C6orf52: variants seen among roughly 807,000 people sequenced by gnomAD.
C6orf52 encodes chromosome 6 open reading frame 52.
A neutral mutation model predicts 16.6 loss-of-function variants in C6orf52; 16 were observed. The ratio of observed to expected loss-of-function variants is 0.96; its 90% CI spans 0.65 to 1.46. C6orf52 has a LOEUF of 1.46. Ranked by LOEUF, C6orf52 falls within the 40% of genes most tolerant of loss-of-function variation. The pLI, the probability that C6orf52 is intolerant of heterozygous loss-of-function variation, is 0.00. For synonymous variants in C6orf52, 53 were observed against 61.4 expected, an observed-to-expected ratio of 0.86 and a Z score of 0.64; for missense variants, 166 against 182.3, an observed-to-expected ratio of 0.91 and a Z score of 0.52.
rs1581526929 is a variant in C6orf52, at chr6:10,672,737, A to G, written c.317-1139T>C. The G allele has an allele frequency of 4.5e-5, 23 of 512,612 alleles. No homozygotes were observed. The South Asian group carries it at 6.5e-4, about 15-fold the overall frequency. 31.8% of individuals were successfully genotyped at this position (512,612 alleles called of 1,614,324 possible). On this transcript the variant is annotated intron_variant, in intron 4 of 4. Coordinates refer to ENST00000259983, the MANE Select transcript of C6orf52 (RefSeq NM_001145020.3). ...TAAAGAGGTCAAGTGTGGAAACAGC[A>G]AGAAGGCTGCTGTCTGCAAGCCAAG...
intron 4 of C6orf52, among the ~76,000 whole-genome samples, chr6:10,678,823 A>C (rs1268549724): frequency 6.6e-6 from 1 of 152,150 alleles, no homozygotes; most frequent in African/African-American, 2.4e-5. Flanking sequence ...GGCCAGGCAC[A>C]GTGGCTCACG....
chr6:10,691,171 C>T lies in C6orf52; in HGVS notation c.-12+3323G>A, dbSNP rs114602825. On this transcript the variant is annotated intron_variant, in intron 1 of 4. Coordinates refer to ENST00000259983, the MANE Select transcript of C6orf52 (RefSeq NM_001145020.3). ...ACTGCATTTTACCCTTAATGAGGTA[C>T]GCTTACACTAATCTTTTTGAAACAG... 5.8e-3 allele frequency among the ~76,000 whole-genome samples: 878 copies of T among 152,292 alleles called. 8 individuals carry two copies. Among genetic ancestry groups the T allele is most frequent in the African/African-American group, 0.02 (833 of 41,570 alleles).
intron 4 of C6orf52, among the ~76,000 whole-genome samples, chr6:10,681,353 TTTG>T (rs1488882631): frequency 6.6e-6 from 1 of 152,234 alleles, no homozygotes; most frequent in Non-Finnish European, 1.5e-5. Flanking sequence ...TTCTTAAAGG[TTTG>T]TTGACTATCT....
chr6:10,678,880 G>A (rs1768121601), intron 4 of C6orf52, among the ~76,000 whole-genome samples: 1 of 151,930 alleles, frequency 6.6e-6, no homozygotes, highest in African/African-American at 2.4e-5. Flanking sequence ...AGATCATGAG[G>A]TCAGGAGATC....
At chr6:10,693,719 C>T (rs537644170) in intron 1 of C6orf52, among the ~76,000 whole-genome samples, 1 of 152,174 alleles carries the variant, frequency 6.6e-6, no homozygotes, top group East Asian at 1.9e-4. Flanking sequence ...AATCTCTAAA[C>T]CTTATTAAAT....
At chr6:10,684,065 A>G (rs541852485) in intron 3 of C6orf52, among the ~76,000 whole-genome samples, 29 of 152,278 alleles carry the variant, frequency 1.9e-4, no homozygotes, top group Admixed American at 7.8e-4. Flanking sequence ...CCTCCCCTTC[A>G]CTCTGAAATA....
At chr6:10,687,187 A>T in intron 2 of C6orf52, 23 bp from the exon 3 acceptor site, 4 of 1,502,432 alleles carry the variant, frequency 2.7e-6, no homozygotes, top group Non-Finnish European at 3.6e-6. Context: ...CAATCATCAC[A>T]ACCAACGCAG....
Position 10,683,169 on chromosome 6 carries a change from G to A in C6orf52, c.316+18C>T. 1 of 1,520,532 alleles carries A rather than the reference G, an allele frequency of 6.6e-7. No individual in the cohort carries two copies. Among genetic ancestry groups the A allele is most frequent in the Non-Finnish European group, 8.9e-7 (1 of 1,126,928 alleles). The allele number at this position is 1,520,532 out of a possible 1,614,324, so 94.2% of individuals were successfully genotyped here. ...TGGGGTTTTGTTTCCAACCACTTCA[G>A]CACAAGGTTTATGTTACCTTCTAGT... On this transcript the variant is annotated intron_variant, in intron 4 of 4. Coordinates refer to ENST00000259983, the MANE Select transcript of C6orf52 (RefSeq NM_001145020.3).
In C6orf52 at chr6:10,686,912, G is replaced by A. The variant is rs539967547; in HGVS notation, c.270+54C>T. 29 of 1,277,050 alleles carry A rather than the reference G, an allele frequency of 2.3e-5. No individual in the cohort carries two copies. The South Asian group carries it at 4.0e-4, about 18-fold the overall frequency. 79.1% of individuals were successfully genotyped at this position (1,277,050 alleles called of 1,614,324 possible). ...AGATGTGTGAAGATAGGAAAGTGATGTTTACTATTATTGGGCACACGAATG... is the reference window on the plus strand; with the variant it reads ...AGATGTGTGAAGATAGGAAAGTGATATTTACTATTATTGGGCACACGAATG... On this transcript the variant is annotated intron_variant, in intron 3 of 4. Coordinates refer to ENST00000259983, the MANE Select transcript of C6orf52 (RefSeq NM_001145020.3).
chr6:10,679,713 T>C (rs1768210316), intron 4 of C6orf52, among the ~76,000 whole-genome samples: 1 of 152,216 alleles, frequency 6.6e-6, no homozygotes, highest in African/African-American at 2.4e-5. Context: ...AGTTTCTCCC[T>C]CTTGCCTAAC....
chr6:10,677,119 ATGTTTTCTTC>A (rs1767969608), intron 4 of C6orf52, among the ~76,000 whole-genome samples: 1 of 151,988 alleles, frequency 6.6e-6, no homozygotes, highest in Admixed American at 6.6e-5. Context: ...CTTTTCCCTT[ATGTTTTCTTC>A]TAGTAGTTTC....
intron 1 of C6orf52, among the ~76,000 whole-genome samples, chr6:10,688,698 TTA>T (rs1256291819): frequency 6.6e-6 from 1 of 152,246 alleles, no homozygotes; most frequent in East Asian, 1.9e-4. Flanking sequence ...TCTGGATTAC[TTA>T]TAATACCTAA....
rs757111273 is a variant in C6orf52, at chr6:10,687,555, C to G, written c.-5G>C. ...AGAACTCTCTGGTTGGGCCATTTAC[C>G]CAGAAACTTTACAAAAAGAGAGCAG... is the stretch of plus-strand genomic sequence containing the variant. On this transcript the variant is annotated 5_prime_UTR_variant, in exon 2 of 5. Transcript: ENST00000259983. 1.3e-6 allele frequency: 2 copies of G among 1,547,302 alleles called. No individual in the cohort carries two copies. Among genetic ancestry groups the G allele is most frequent in the East Asian group, 2.4e-5 (1 of 40,922 alleles).
intron 1 of C6orf52, among the ~76,000 whole-genome samples, chr6:10,689,735 A>G (rs1295964164): frequency 4.6e-5 from 7 of 152,186 alleles, no homozygotes; most frequent in Non-Finnish European, 8.8e-5. Context: ...ATCTTGGACT[A>G]TGAGGTGACA....
intron 4 of C6orf52, among the ~76,000 whole-genome samples, chr6:10,675,590 T>C (rs757656705): frequency 2.0e-5 from 3 of 152,318 alleles, no homozygotes; most frequent in Middle Eastern, 3.4e-3. Flanking sequence ...TGTTAATAAT[T>C]TGAGGAAACG....
At chr6:10,674,435 T>G (rs571673074) in intron 4 of C6orf52, among the ~76,000 whole-genome samples, 19 of 152,328 alleles carry the variant, frequency 1.2e-4, no homozygotes, top group African/African-American at 4.6e-4. Context: ...TGGATGGCTT[T>G]GTGTTTCACA....
At chr6:10,679,548 G>T (rs1455160481) in intron 4 of C6orf52, among the ~76,000 whole-genome samples, 1 of 148,916 alleles carries the variant, frequency 6.7e-6, no homozygotes, top group Non-Finnish European at 1.5e-5. Context: ...ATGCAGGGCT[G>T]CCATAAACTT....
chr6:10,677,279 C>A (rs949423570), intron 4 of C6orf52, among the ~76,000 whole-genome samples: 1 of 152,132 alleles, frequency 6.6e-6, no homozygotes, highest in Non-Finnish European at 1.5e-5. Context: ...ACTGCCTTTT[C>A]CCCATTGTGT....
At position 10,687,047 on chromosome 6, in the gene C6orf52, A is replaced by T. The variant is rs1371755449; in HGVS notation, c.189T>A (p.Cys63Ter). The change falls in exon 3 of 5, where the codon TGT becomes TGA. Residue 63 changes from cysteine to a stop codon, truncating the protein, a stop_gained. Transcript: ENST00000259983. LOFTEE classifies it high-confidence loss of function. ...SYLLSGYSYG[C>*]AVDGNGKDCF... ...AGTCCTTTCCATTTCCATCCACTGCACAGCCATAGCTGTAGCCAGAAAGAA... is the reference window on the plus strand; with the variant it reads ...AGTCCTTTCCATTTCCATCCACTGCTCAGCCATAGCTGTAGCCAGAAAGAA... 3.9e-6 allele frequency: 6 copies of T among 1,551,804 alleles called. No individual in the cohort carries two copies. The highest frequency in any genetic ancestry group is 5.2e-6 in the Non-Finnish European group (6 of 1,146,980).
Sources: allele counts gnomAD v4.1 joint callset (sites outside exome capture counted in the v4.1 genomes callset), GRCh38; gene constraint gnomAD v4.1.1; transcripts MANE v1.5; gene names NCBI Gene and HGNC (gene_info 2026-07-23, HGNC 2026-07-21).